FAM78B: variants seen among roughly 807,000 people sequenced by gnomAD.
FAM78B encodes family with sequence similarity 78 member B.
Under a neutral mutation model 20.0 loss-of-function variants are expected in FAM78B, and 10 were observed. The ratio of observed to expected loss-of-function variants is 0.50; its 90% CI spans 0.31 to 0.85. The LOEUF (loss-of-function observed/expected upper bound fraction) is 0.85, where lower values mean the gene tolerates loss of function less well. FAM78B is among the 40% of genes least tolerant of loss of function. The pLI is 0.05. For synonymous variants in FAM78B, 135 were observed against 132.8 expected, an observed-to-expected ratio of 1.02 and a Z score of -0.12; for missense variants, 283 against 345.0, an observed-to-expected ratio of 0.82 and a Z score of 1.42.
intron 1 of FAM78B, among the ~76,000 whole-genome samples, chr1:166,114,516 C>G (rs1326110688): frequency 1.3e-5 from 2 of 152,178 alleles, no homozygotes; most frequent in Non-Finnish European, 2.9e-5. Context: ...GACAAATTCT[C>G]CAGAACCAAT....
chr1:166,131,669 A>G (rs1349302322), intron 1 of FAM78B, among the ~76,000 whole-genome samples: 1 of 152,220 alleles, frequency 6.6e-6, no homozygotes, highest in African/African-American at 2.4e-5. Flanking sequence ...GGGGAGAACT[A>G]TCTAAAAGGG....
At chr1:166,093,691 A>T (rs1394002727) in intron 1 of FAM78B, among the ~76,000 whole-genome samples, 5 of 152,208 alleles carry the variant, frequency 3.3e-5, no homozygotes. Flanking sequence ...AAGAATTCTG[A>T]TCAGCCGAGG....
In FAM78B at chr1:166,089,666, C is replaced by T. The variant is rs1468397178; in HGVS notation, c.264-18903G>A. 2.0e-5 allele frequency among the ~76,000 whole-genome samples: 3 copies of T among 151,906 alleles called. No homozygotes were observed. In the East Asian group the frequency reaches 5.8e-4, roughly 29 times the overall value. On this transcript the variant is annotated intron_variant, in intron 1 of 1. Coordinates refer to ENST00000354422, the MANE Select transcript of FAM78B (RefSeq NM_001017961.5). ...TGGAGTTTTGTACAGTTAGGGCATC[C>T]AGAGTGCCCTGGGACTGGGAACTGG...
intron 1 of FAM78B, among the ~76,000 whole-genome samples, chr1:166,143,651 G>A (rs1423576862): frequency 6.6e-6 from 1 of 152,158 alleles, no homozygotes; most frequent in Non-Finnish European, 1.5e-5. Context: ...GTGGAACCAG[G>A]AGGAAGAGGG....
At chr1:166,104,930 C>T (rs1571165866) in intron 1 of FAM78B, among the ~76,000 whole-genome samples, 1 of 152,200 alleles carries the variant, frequency 6.6e-6, no homozygotes, top group East Asian at 1.9e-4. Context: ...AAGCTGGAGG[C>T]ATCATGCTAC....
chr1:166,166,289 C>A lies in FAM78B; in HGVS notation c.-41G>T. ...CGGCACGGCGCGGCGTGGGGCAGCG[C>A]GGGGGCCCGCGCGGGCAGCCGGGGG... On this transcript the variant is annotated 5_prime_UTR_variant, in exon 1 of 2. Transcript: ENST00000354422. 8.3e-7 allele frequency: 1 copy of A among 1,206,094 alleles called. No homozygotes were observed. Among genetic ancestry groups the A allele is most frequent in the Non-Finnish European group, 1.0e-6 (1 of 970,588 alleles). 74.7% of individuals were successfully genotyped at this position (1,206,094 alleles called of 1,614,324 possible).
chr1:166,071,331 T>C (rs1652024128), intron 1 of FAM78B, among the ~76,000 whole-genome samples: 1 of 152,242 alleles, frequency 6.6e-6, no homozygotes, highest in Non-Finnish European at 1.5e-5. Flanking sequence ...TAGAAAATCA[T>C]AACATGAGAA....
At chr1:166,138,564 G>C (rs1655161566) in intron 1 of FAM78B, among the ~76,000 whole-genome samples, 1 of 152,076 alleles carries the variant, frequency 6.6e-6, no homozygotes, top group African/African-American at 2.4e-5. Context: ...ACACATCTTC[G>C]CTAGCCTTAG....
intron 1 of FAM78B, among the ~76,000 whole-genome samples, chr1:166,118,801 G>T (rs965409795): frequency 3.3e-5 from 5 of 152,146 alleles, no homozygotes; most frequent in African/African-American, 1.2e-4. Context: ...GAGCTAGGTG[G>T]TGACTGAGTT....
At chr1:166,104,188 T>C (rs1653667803) in intron 1 of FAM78B, among the ~76,000 whole-genome samples, 1 of 152,222 alleles carries the variant, frequency 6.6e-6, no homozygotes, top group African/African-American at 2.4e-5. Flanking sequence ...AAATTAGGTA[T>C]TGATGGGACG....
At chr1:166,090,500 C>A (rs1335836572) in intron 1 of FAM78B, among the ~76,000 whole-genome samples, 1 of 152,172 alleles carries the variant, frequency 6.6e-6, no homozygotes, top group Admixed American at 6.5e-5. Flanking sequence ...TGAGAGCTCT[C>A]CAAGGTCACA....
At chr1:166,148,109 T>G (rs1352530050) in intron 1 of FAM78B, 1 of 152,170 alleles carries the variant, frequency 6.6e-6, no homozygotes, top group Non-Finnish European at 1.5e-5. Context: ...TAGAAACCCA[T>G]GTAGAAACAG....
At chr1:166,153,330 C>T (rs1005593078) in intron 1 of FAM78B, among the ~76,000 whole-genome samples, 1 of 152,190 alleles carries the variant, frequency 6.6e-6, no homozygotes, top group Non-Finnish European at 1.5e-5. Flanking sequence ...CTGGCTAAAG[C>T]CCTGCAGCTT....
chr1:166,129,685 G>C (rs895835929), intron 1 of FAM78B, among the ~76,000 whole-genome samples: 1 of 151,962 alleles, frequency 6.6e-6, no homozygotes, highest in African/African-American at 2.4e-5. Context: ...TAGTCCTCTC[G>C]TCCTCTTCCC....
intron 1 of FAM78B, among the ~76,000 whole-genome samples, chr1:166,134,516 G>GTAATAATAATAATAA (rs201347416): frequency 1.3e-5 from 2 of 150,834 alleles, no homozygotes; most frequent in African/African-American, 2.4e-5. Context: ...CATTAAAGTA[G>GTAATAATAATAATAA]TAATAATAAT....
intron 1 of FAM78B, among the ~76,000 whole-genome samples, chr1:166,104,673 C>A (rs59113191): frequency 0.033 from 4,983 of 152,092 alleles, 252 homozygotes; most frequent in African/African-American, 0.11. Context: ...CTTCAAGGAG[C>A]ACTACAAACC....
chr1:166,109,910 A>ATATATATATG (rs1557903484), intron 1 of FAM78B, among the ~76,000 whole-genome samples: 33 of 108,436 alleles, frequency 3.0e-4, no homozygotes, highest in Middle Eastern at 4.1e-3. Context: ...ATATATATAT[A>ATATATATATG]TATATATATA....
chr1:166,097,026 A>AC (rs1346364783), intron 1 of FAM78B, among the ~76,000 whole-genome samples: 1 of 152,048 alleles, frequency 6.6e-6, no homozygotes, highest in East Asian at 1.9e-4. Context: ...CCAGGAGACC[A>AC]CCCCCCAAAA....
At chr1:166,150,607 A>T (rs1454941500) in intron 1 of FAM78B, among the ~76,000 whole-genome samples, 2 of 152,216 alleles carry the variant, frequency 1.3e-5, no homozygotes, top group African/African-American at 4.8e-5. Context: ...ATGTGAAAAA[A>T]CTGCAAAAAG....
Sources: gnomAD v4.1 joint callset for allele counts (sites outside exome capture counted in the v4.1 genomes callset) on GRCh38, gnomAD v4.1.1 for gene constraint, MANE v1.5 for transcripts, NCBI Gene and HGNC (gene_info 2026-07-23, HGNC 2026-07-21) for gene names.